Variants in LPIN1 observed in about 807,000 individuals in gnomAD.
LPIN1 encodes phosphatidate phosphatase LPIN1.
In LPIN1, 71 loss-of-function variants were observed where a neutral mutation model predicts 107.5. The observed-to-expected ratio is 0.66, with a 90% CI of 0.55 to 0.80. LPIN1 has a LOEUF of 0.80. Ranked by LOEUF, LPIN1 falls within the 30% of genes least tolerant of loss-of-function variation. LPIN1 has a pLI of 0.00. For missense variants in LPIN1, 1,043 were observed against 1,160.6 expected (o/e 0.90, Z 1.47); for synonymous variants, 445 against 452.6 (o/e 0.98, Z 0.21).
chr2:11,807,253 T>A (rs1678865424), intron 17 of LPIN1, among the ~76,000 whole-genome samples: 1 of 152,236 alleles, frequency 6.6e-6, no homozygotes, highest in South Asian at 2.1e-4. Flanking sequence ...TATCCCAGTC[T>A]GTGCTGCTGT....
At chr2:11,720,420 A>G (rs2148532593), upstream of LPIN1, among the ~76,000 whole-genome samples, 1 of 152,250 alleles carries the variant, frequency 6.6e-6, no homozygotes, top group African/African-American at 2.4e-5. Flanking sequence ...TTCTACAATA[A>G]TTGTATGCAC....
At chr2:11,716,524 G>A (rs998275696) in intron 2 of LPIN1, among the ~76,000 whole-genome samples, 2 of 151,804 alleles carry the variant, frequency 1.3e-5, no homozygotes, top group Non-Finnish European at 2.9e-5. Flanking sequence ...AGGCACTGGG[G>A]ACACAGTGAT....
chr2:11,806,321 G>T (rs1199785711), intron 17 of LPIN1, among the ~76,000 whole-genome samples: 3 of 152,200 alleles, frequency 2.0e-5, no homozygotes, highest in Admixed American at 2.0e-4. Context: ...GTGCCTGTTA[G>T]TGCCTCATCC....
At chr2:11,781,769 C>A (rs529947775) in intron 7 of LPIN1, among the ~76,000 whole-genome samples, 1 of 152,238 alleles carries the variant, frequency 6.6e-6, no homozygotes, top group Non-Finnish European at 1.5e-5. Flanking sequence ...CCACTCTTTG[C>A]GGTCACTGCT....
chr2:11,826,044 T>G lies in LPIN1; in HGVS notation c.*1253T>G, dbSNP rs1682322900. 6.5e-6 allele frequency: 1 copy of G among 152,784 alleles called. No individual in the cohort carries two copies. The highest frequency in any genetic ancestry group is 3.4e-3 in the Middle Eastern group (1 of 294). The allele number at this position is 152,784 out of a possible 1,614,324, so 9.5% of individuals were successfully genotyped here. ...AGCCTACAGAATGTGATTCTTTCAC[T>G]TGTTTATTACACTGGCTCGTGGACA... On this transcript the variant is annotated 3_prime_UTR_variant, in exon 21 of 21. Coordinates refer to ENST00000674199, the MANE Select transcript of LPIN1 (RefSeq NM_001349206.2).
chr2:11,727,972 GT>G (rs987906227), intron 1 of LPIN1, among the ~76,000 whole-genome samples: 6 of 152,258 alleles, frequency 3.9e-5, no homozygotes, highest in African/African-American at 1.2e-4. Flanking sequence ...TTGCTGTACA[GT>G]TTTTTTGTCT....
rs112702080 is a variant in LPIN1 at position 11,701,910 on chromosome 2, C to T, written c.82-11846C>T. 8.4e-3 allele frequency among the ~76,000 whole-genome samples: 1,286 copies of T among 152,324 alleles called. 15 individuals are homozygous for T. The highest frequency in any genetic ancestry group is 0.024 in the Middle Eastern group (7 of 294). Reference sequence around the variant, plus strand: ...GGTCCGTGCTTGTGCTAAAACTCTTCCTGAACTATTCTGTCTAATCCCTCC... The same window carrying T: ...GGTCCGTGCTTGTGCTAAAACTCTTTCTGAACTATTCTGTCTAATCCCTCC... On this transcript the variant is annotated intron_variant, in intron 1 of 21. Transcript: ENST00000449576.
At chr2:11,678,681 CA>C (rs1306314695) in intron 1 of LPIN1, among the ~76,000 whole-genome samples, 1 of 152,234 alleles carries the variant, frequency 6.6e-6, no homozygotes, top group Non-Finnish European at 1.5e-5. Context: ...CCTTCAGGGA[CA>C]AGAGGTCCTT....
At chr2:11,818,904 C>A (rs913339245) in intron 18 of LPIN1, 1 of 151,518 alleles carries the variant, frequency 6.6e-6, no homozygotes, top group Non-Finnish European at 1.5e-5. Flanking sequence ...TATCAAATAC[C>A]CTTTTTGTAT....
chr2:11,790,351 A>G (rs978500523), intron 12 of LPIN1, among the ~76,000 whole-genome samples: 1 of 152,190 alleles, frequency 6.6e-6, no homozygotes, highest in African/African-American at 2.4e-5. Flanking sequence ...CTTTTCCTTG[A>G]TGGTCACAAG....
intron 2 of LPIN1, among the ~76,000 whole-genome samples, chr2:11,766,541 G>C (rs1670921623): frequency 6.6e-6 from 1 of 152,152 alleles, no homozygotes; most frequent in South Asian, 2.1e-4. Context: ...TAAGCCACAG[G>C]AGAGGTCGTG....
chr2:11,705,836 A>C (rs567345771), intron 1 of LPIN1, among the ~76,000 whole-genome samples: 1 of 152,278 alleles, frequency 6.6e-6, no homozygotes, highest in African/African-American at 2.4e-5. Context: ...TTAATCATAG[A>C]GGTGACTGAT....
At chr2:11,734,897 G>A (rs1409949974) in intron 1 of LPIN1, among the ~76,000 whole-genome samples, 2 of 152,156 alleles carry the variant, frequency 1.3e-5, no homozygotes, top group African/African-American at 4.8e-5. Context: ...TTTTTGATTT[G>A]TATTTACCCT....
Position 11,727,036 on chromosome 2 carries a change from G to A in LPIN1, c.-72+2497G>A, listed in dbSNP as rs191120249. Among the ~76,000 whole-genome samples the A allele has an allele frequency of 8.2e-4, 125 of 152,356 alleles. 2 individuals are homozygous for A. The highest frequency in any genetic ancestry group is 5.7e-3 in the Admixed American group (87 of 15,310). On this transcript the variant is annotated intron_variant, in intron 1 of 21. Transcript: ENST00000396097. The stretch of plus-strand genomic sequence containing the variant: ...CTGGAGTTGTCAACCCTGAACACTT[G>A]ATTAAAGGGGTGTCTCCCAGGTTTT...
chr2:11,737,412 C>A (rs1665894475), intron 1 of LPIN1, among the ~76,000 whole-genome samples: 1 of 152,272 alleles, frequency 6.6e-6, no homozygotes, highest in African/African-American at 2.4e-5. Context: ...AGAGCTTTTG[C>A]ACAGCAAAAG....
At chr2:11,820,592 A>C (rs1573031962) in intron 20 of LPIN1, 78 bp downstream of exon 20, 1 of 1,022,550 alleles carries the variant, frequency 9.8e-7, no homozygotes, top group African/African-American at 1.6e-5. Flanking sequence ...TTTGCGGTGT[A>C]CCTTTTCCCC....
chr2:11,688,642 C>A (rs1210070304), intron 1 of LPIN1, among the ~76,000 whole-genome samples: 2 of 152,274 alleles, frequency 1.3e-5, no homozygotes, highest in East Asian at 3.9e-4. Flanking sequence ...CGCACCGGCG[C>A]GAATCAGGGC....
At chr2:11,679,754 C>T (rs1423922294) in intron 1 of LPIN1, among the ~76,000 whole-genome samples, 1 of 152,240 alleles carries the variant, frequency 6.6e-6, no homozygotes, top group Non-Finnish European at 1.5e-5. Flanking sequence ...TGCCCATGGC[C>T]TTTTGCCTTG....
rs534753112 is a variant in LPIN1, at chr2:11,826,395, T to C, written c.*1604T>C. Reference sequence around the variant, plus strand: ...ATTTCTGTAGAAACACGGATGTGCATGTGCAGATTCCCTTTTGCAGGTATT... The same window carrying C: ...ATTTCTGTAGAAACACGGATGTGCACGTGCAGATTCCCTTTTGCAGGTATT... On this transcript the variant is annotated 3_prime_UTR_variant, in exon 21 of 21. Coordinates refer to ENST00000674199, the MANE Select transcript of LPIN1 (RefSeq NM_001349206.2). 64 of 152,350 alleles carry C rather than the reference T, an allele frequency of 4.2e-4. No homozygotes were observed. The highest frequency in any genetic ancestry group is 1.5e-3 in the African/African-American group (64 of 41,414). 9.4% of individuals were successfully genotyped at this position (152,350 alleles called of 1,614,324 possible). A position where few individuals can be genotyped will look rare whatever the true frequency, so the allele number is the denominator to read the frequency against.
Sources: allele counts gnomAD v4.1 joint callset (sites outside exome capture counted in the v4.1 genomes callset), GRCh38; gene constraint gnomAD v4.1.1; transcripts MANE v1.5; gene names NCBI Gene and HGNC (gene_info 2026-07-23, HGNC 2026-07-21).